Variants in PTPRG observed in about 807,000 individuals in gnomAD.
The protein encoded by PTPRG is protein tyrosine phosphatase receptor type G, also known as receptor-type tyrosine-protein phosphatase gamma.
Under a neutral mutation model 165.3 loss-of-function variants are expected in PTPRG, and 102 were observed. The observed-to-expected ratio is 0.62, with a 90% CI of 0.53 to 0.73. The LOEUF (loss-of-function observed/expected upper bound fraction) is 0.73. PTPRG is among the 30% of genes least tolerant of loss of function. The pLI, the probability that PTPRG is intolerant of heterozygous loss-of-function variation, is 0.00. For synonymous variants in PTPRG, 675 were observed against 669.5 expected, an observed-to-expected ratio of 1.01 and a Z score of -0.13; for missense variants, 1,866 against 1,861.4, an observed-to-expected ratio of 1.00 and a Z score of -0.05.
At chr3:61,937,160 C>T (rs1440578313) in intron 2 of PTPRG, among the ~76,000 whole-genome samples, 1 of 152,158 alleles carries the variant, frequency 6.6e-6, no homozygotes, top group Non-Finnish European at 1.5e-5. Context: ...AAAGTCTTTC[C>T]TTGAAAGATG....
At chr3:61,576,594 A>G (rs1237101313) in intron 1 of PTPRG, among the ~76,000 whole-genome samples, 3 of 152,194 alleles carry the variant, frequency 2.0e-5, no homozygotes, top group Admixed American at 1.3e-4. Context: ...ATCATTTTCA[A>G]TAGTTGGTCT....
chr3:62,083,391 G>T (rs148705490), intron 5 of PTPRG, among the ~76,000 whole-genome samples: 29 of 151,932 alleles, frequency 1.9e-4, no homozygotes, highest in Non-Finnish European at 4.0e-4. Flanking sequence ...ATGAGCCACC[G>T]TGCCCGGCTT....
intron 1 of PTPRG, among the ~76,000 whole-genome samples, chr3:61,609,083 A>G (rs1701092765): frequency 6.6e-6 from 1 of 152,296 alleles, no homozygotes; most frequent in East Asian, 1.9e-4. Context: ...GATTGATACT[A>G]AACTATGACC....
At chr3:61,825,748 C>T (rs1321486519) in intron 2 of PTPRG, among the ~76,000 whole-genome samples, 1 of 149,720 alleles carries the variant, frequency 6.7e-6, no homozygotes, top group Non-Finnish European at 1.5e-5. Flanking sequence ...GGGCTCATGC[C>T]ATTCTCCCTC....
chr3:61,612,891 G>A lies in PTPRG; in HGVS notation c.85+50519G>A, dbSNP rs542506706. 2.3e-3 allele frequency among the ~76,000 whole-genome samples: 346 copies of A among 150,584 alleles called. 1 individual carries two copies. The highest frequency in any genetic ancestry group is 0.01 in the South Asian group (49 of 4,752). Reference sequence around the variant, plus strand: ...TGTGTGTGTGTGTGTGTGTGTGTGCGCACTTGTAATCTTTTGGTAGAACAG... The same window carrying A: ...TGTGTGTGTGTGTGTGTGTGTGTGCACACTTGTAATCTTTTGGTAGAACAG... On this transcript the variant is annotated intron_variant, in intron 1 of 29. Transcript: ENST00000474889.
At chr3:61,829,243 G>A (rs1257514206) in intron 2 of PTPRG, among the ~76,000 whole-genome samples, 1 of 152,252 alleles carries the variant, frequency 6.6e-6, no homozygotes, top group Non-Finnish European at 1.5e-5. Context: ...GAGCCTCGCT[G>A]AGCCCTCCAC....
chr3:62,167,356 G>A (rs1705030259), intron 7 of PTPRG, among the ~76,000 whole-genome samples: 1 of 152,164 alleles, frequency 6.6e-6, no homozygotes, highest in Non-Finnish European at 1.5e-5. Flanking sequence ...TATGTCGGAA[G>A]ATGCCAAGAA....
rs1452616329 is a variant in PTPRG, at chr3:62,255,311, A to G, written c.2559+96A>G. 1.1e-6 allele frequency: 1 copy of G among 880,778 alleles called. No homozygotes were observed. The highest frequency in any genetic ancestry group is 1.8e-6 in the Non-Finnish European group (1 of 563,812). 54.6% of individuals were successfully genotyped at this position (880,778 alleles called of 1,614,324 possible). On this transcript the variant is annotated intron_variant, in intron 16 of 29. Transcript: ENST00000474889. This position sits in a 1 kb window ranked among gnomAD's most constrained non-coding sequence, Gnocchi z 4.0. Reference sequence around the variant, plus strand: ...AACTGAATTCATTCCAAGCATAACAAAACAGTAACTACGGAAAGTGGAGTT... The same window carrying G: ...AACTGAATTCATTCCAAGCATAACAGAACAGTAACTACGGAAAGTGGAGTT...
At chr3:61,969,944 T>G (rs1268895632) in intron 2 of PTPRG, among the ~76,000 whole-genome samples, 1 of 152,222 alleles carries the variant, frequency 6.6e-6, no homozygotes, top group Non-Finnish European at 1.5e-5. Context: ...CCAGTGAGGT[T>G]GTTTTTTAGA....
rs1356193280 is a variant in PTPRG at position 62,069,673 on chromosome 3, C to CTG, written c.520-8489_520-8488insGT. 8.1e-5 allele frequency among the ~76,000 whole-genome samples: 12 copies of CTG among 147,692 alleles called. 1 individual carries two copies. The highest frequency in any genetic ancestry group is 3.1e-4 in the African/African-American group (12 of 38,378). ...TCTCTCTCTCTCTCTCTCTCTCTCT[C>CTG]TCTCTCTCTCTCACACACAGACACA... On this transcript the variant is annotated intron_variant, in intron 4 of 29. Transcript: ENST00000474889.
intron 5 of PTPRG, among the ~76,000 whole-genome samples, chr3:62,128,784 T>TG (rs764390679): frequency 4.6e-4 from 70 of 150,702 alleles, no homozygotes; most frequent in Non-Finnish European, 8.7e-4. Flanking sequence ...TCTTCACTGT[T>TG]GTCATATTTA....
intron 5 of PTPRG, among the ~76,000 whole-genome samples, chr3:62,102,627 T>C (rs1702331325): frequency 6.6e-6 from 1 of 152,170 alleles, no homozygotes; most frequent in Non-Finnish European, 1.5e-5. Flanking sequence ...TTTGAGTGGG[T>C]ATTTCTATAA....
intron 1 of PTPRG, among the ~76,000 whole-genome samples, chr3:61,692,559 G>A (rs1044414480): frequency 6.6e-6 from 1 of 152,144 alleles, no homozygotes; most frequent in Non-Finnish European, 1.5e-5. Context: ...GGCGGGCTGA[G>A]TCCGAAAAGA....
chr3:61,992,589 G>T (rs1245349064), intron 3 of PTPRG, among the ~76,000 whole-genome samples: 1 of 150,940 alleles, frequency 6.6e-6, no homozygotes, highest in Admixed American at 6.6e-5. Context: ...GTGCAATCTC[G>T]GCTCACTGCA....
intron 2 of PTPRG, among the ~76,000 whole-genome samples, chr3:61,846,962 A>G (rs2036824420): frequency 6.6e-6 from 1 of 152,176 alleles, no homozygotes; most frequent in South Asian, 2.1e-4. Context: ...GCTGTCTAGT[A>G]CAGTAACCAC....
At chr3:62,133,393 G>A (rs1275308510) in intron 6 of PTPRG, among the ~76,000 whole-genome samples, 1 of 152,172 alleles carries the variant, frequency 6.6e-6, no homozygotes, top group East Asian at 1.9e-4. Context: ...GACAGAAATA[G>A]CATTAGTAAC....
At chr3:62,167,930 T>TG (rs774419916) in intron 7 of PTPRG, 41 bp from the exon 8 acceptor site, 11 of 1,416,144 alleles carry the variant, frequency 7.8e-6, no homozygotes, top group Non-Finnish European at 1.1e-5. Context: ...TTTTTTGTGT[T>TG]GTTTTTTTTT....
chr3:62,024,864 G>A (rs1429996472), intron 4 of PTPRG, among the ~76,000 whole-genome samples: 2 of 152,230 alleles, frequency 1.3e-5, no homozygotes, highest in East Asian at 1.9e-4. Flanking sequence ...TGTGAATTTC[G>A]ACATGCGATT....
At chr3:61,639,265 A>G (rs572934700) in intron 1 of PTPRG, among the ~76,000 whole-genome samples, 8 of 152,162 alleles carry the variant, frequency 5.3e-5, no homozygotes, top group Non-Finnish European at 7.4e-5. Context: ...CCATTGGTGT[A>G]TGTGTTGGTT....
Sources: gnomAD v4.1 joint callset for allele counts (sites outside exome capture counted in the v4.1 genomes callset) on GRCh38, gnomAD v4.1.1 for gene constraint, Gnocchi (gnomAD v3.1) non-coding constraint, MANE v1.5 for transcripts, NCBI Gene and HGNC (gene_info 2026-07-23, HGNC 2026-07-21) for gene names.